SPG21: variants seen among roughly 807,000 people sequenced by gnomAD.
The protein encoded by SPG21 is SPG21 abhydrolase domain containing, maspardin.
In SPG21, 26 loss-of-function variants were observed where a neutral mutation model predicts 38.9. That is an observed-to-expected ratio of 0.67 (90% CI 0.49 to 0.93). The LOEUF is 0.93. Among genes scored for constraint, SPG21 ranks in the 40% least tolerant of loss-of-function variants. SPG21 has a pLI of 0.00. For missense variants in SPG21, 333 were observed against 376.5 expected, an observed-to-expected ratio of 0.88 and a Z score of 0.96; for synonymous variants, 136 against 128.9, an observed-to-expected ratio of 1.05 and a Z score of -0.37.
At chr15:64,975,803 G>A (rs2085761987) in intron 4 of SPG21, among the ~76,000 whole-genome samples, 1 of 152,018 alleles carries the variant, frequency 6.6e-6, no homozygotes, top group South Asian at 2.1e-4. Flanking sequence ...ATTGATTCCG[G>A]CTTCAACATG....
intron 5 of SPG21, among the ~76,000 whole-genome samples, chr15:64,973,540 A>G (rs1018226661): frequency 5.9e-5 from 9 of 151,298 alleles, no homozygotes; most frequent in Admixed American, 5.9e-4. Context: ...CAACCTCCGC[A>G]TCCTGGGTTC....
At chr15:64,978,668 T>C (rs1335704041) in intron 3 of SPG21, among the ~76,000 whole-genome samples, 1 of 152,208 alleles carries the variant, frequency 6.6e-6, no homozygotes, top group African/African-American at 2.4e-5. Flanking sequence ...GAACTGATTC[T>C]ACCTAGCAGA....
At chr15:64,983,271 TATAA>T (rs111408068) in intron 2 of SPG21, 17 of 209,744 alleles carry the variant, frequency 8.1e-5, no homozygotes, top group Middle Eastern at 2.0e-3. Flanking sequence ...CAAAAATAAA[TATAA>T]ATAAATAAAT....
At chr15:64,985,518 T>C (rs1475101703) in intron 1 of SPG21, among the ~76,000 whole-genome samples, 1 of 152,248 alleles carries the variant, frequency 6.6e-6, no homozygotes, top group African/African-American at 2.4e-5. Context: ...ACTGAAATTA[T>C]AGTTCCCTGT....
chr15:64,979,517 A>G (rs2140437977), intron 3 of SPG21, among the ~76,000 whole-genome samples: 1 of 152,340 alleles, frequency 6.6e-6, no homozygotes, highest in East Asian at 1.9e-4. Context: ...ATTAAGCCAG[A>G]GAAGAAAAGA....
chr15:64,976,452 G>A, intron 4 of SPG21, 23 bp downstream of exon 4: 2 of 1,520,396 alleles, frequency 1.3e-6, no homozygotes, highest in Non-Finnish European at 1.8e-6. Context: ...TTGTATGTAT[G>A]TAATTAGTTT....
At chr15:64,968,667 A>G (rs1164439514) in intron 7 of SPG21, among the ~76,000 whole-genome samples, 1 of 73,722 alleles carries the variant, frequency 1.4e-5, no homozygotes, top group Non-Finnish European at 4.1e-5. Flanking sequence ...TGCACTTAAA[A>G]ATGGTTAAAA....
In SPG21 at chr15:64,970,074, C is replaced by T. The variant is rs778745349; in HGVS notation, c.561+40G>A. On this transcript the variant is annotated intron_variant, in intron 6 of 8. Transcript: ENST00000204566. The stretch of plus-strand genomic sequence containing the variant: ...TGGAACCAAGTAGATGTGAAAATTC[C>T]CAATACAATGTGTCCCCAACCCAAT... The T allele has an allele frequency of 2.0e-6, 3 of 1,503,496 alleles. No homozygotes were observed. The African/African-American group carries it at 4.1e-5, about 21-fold the overall frequency. The allele number at this position is 1,503,496 out of a possible 1,614,324, so 93.1% of individuals were successfully genotyped here. A position where few individuals can be genotyped will look rare whatever the true frequency, so the allele number is the denominator to read the frequency against.
chr15:64,963,841 C>G lies in SPG21; in HGVS notation c.811-105G>C, dbSNP rs1473260947. On this transcript the variant is annotated intron_variant, in intron 8 of 8. Transcript: ENST00000204566. ...GCACTATCTTGGTTCACTCCAACCT[C>G]CGCCTCCCGGGTTCACCCAATTCTC... is the stretch of plus-strand genomic sequence containing the variant. 4 of 997,816 alleles carry G rather than the reference C, an allele frequency of 4.0e-6. No homozygotes were observed. The Admixed American group carries it at 7.9e-5, about 20-fold the overall frequency. The allele number at this position is 997,816 out of a possible 1,614,324, so 61.8% of individuals were successfully genotyped here.
intron 5 of SPG21, 22 bp downstream of exon 5, chr15:64,974,580 A>G: frequency 6.2e-7 from 1 of 1,614,140 alleles, no homozygotes; most frequent in Non-Finnish European, 8.5e-7. Flanking sequence ...TCACTGAACA[A>G]AAAAAGTAAT....
At chr15:64,981,288 C>CG in intron 2 of SPG21, 2 of 360,022 alleles carry the variant, frequency 5.6e-6, no homozygotes, top group Non-Finnish European at 1.0e-5. Context: ...TCCCCCTCCT[C>CG]CTTTTTTTTT....
chr15:64,970,418 T>G (rs944467186), intron 5 of SPG21, among the ~76,000 whole-genome samples, 196 bp from the exon 6 acceptor site: 3 of 152,204 alleles, frequency 2.0e-5, no homozygotes, highest in Non-Finnish European at 4.4e-5. Flanking sequence ...ATAATTAAAC[T>G]TTTATTTGAG....
In SPG21 at chr15:64,971,765, G is replaced by A. The variant is rs553471415; in HGVS notation, c.453-1543C>T. ...GCAGGAGAATCACTTGAACCTGGGG[G>A]GCAGAGGCTGCAGTGAGAACGTGCC... On this transcript the variant is annotated intron_variant, in intron 5 of 8. Transcript: ENST00000204566. 7.9e-5 allele frequency among the ~76,000 whole-genome samples: 12 copies of A among 151,366 alleles called. No homozygotes were observed. In the South Asian group the frequency reaches 2.5e-3, roughly 32 times the overall value.
intron 8 of SPG21, among the ~76,000 whole-genome samples, chr15:64,965,114 G>A (rs1307017451): frequency 6.6e-6 from 1 of 152,144 alleles, no homozygotes; most frequent in Non-Finnish European, 1.5e-5. Flanking sequence ...AGGGATGGTG[G>A]CCAGAGAGTC....
chr15:64,985,687 G>A (rs913284829), intron 1 of SPG21, among the ~76,000 whole-genome samples: 1 of 152,116 alleles, frequency 6.6e-6, no homozygotes, highest in East Asian at 1.9e-4. Flanking sequence ...CTGAACTGTC[G>A]TTTTAGAGGG....
At chr15:64,987,913 A>G (rs750036339) in intron 1 of SPG21, among the ~76,000 whole-genome samples, 1 of 152,234 alleles carries the variant, frequency 6.6e-6, no homozygotes, top group Non-Finnish European at 1.5e-5. Context: ...ACATGCCTGT[A>G]ATCCCAGCTA....
intron 6 of SPG21, 28 bp from the exon 7 acceptor site, chr15:64,969,390 T>C: frequency 6.7e-7 from 1 of 1,486,660 alleles, no homozygotes; most frequent in Non-Finnish European, 9.4e-7. Flanking sequence ...GGTAAAGTTT[T>C]TGAAATAATT....
At chr15:64,974,088 T>G (rs1018464839) in intron 5 of SPG21, among the ~76,000 whole-genome samples, 23 of 150,738 alleles carry the variant, frequency 1.5e-4, no homozygotes, top group African/African-American at 5.5e-4. Flanking sequence ...TAAACAAAAT[T>G]TAAAAATTTA....
At chr15:64,969,043 A>G (rs567096222) in intron 7 of SPG21, among the ~76,000 whole-genome samples, 109 of 152,280 alleles carry the variant, frequency 7.2e-4, no homozygotes, top group African/African-American at 2.6e-3. Context: ...TGCTCGGCCT[A>G]TTTTGATTTC....
Sources: gnomAD v4.1 joint callset for allele counts (sites outside exome capture counted in the v4.1 genomes callset) on GRCh38, gnomAD v4.1.1 for gene constraint, MANE v1.5 for transcripts, NCBI Gene and HGNC (gene_info 2026-07-23, HGNC 2026-07-21) for gene names.